Variants in PPP2R2B observed in about 807,000 individuals in gnomAD.
PPP2R2B encodes the protein serine/threonine-protein phosphatase 2A 55 kDa regulatory subunit B beta isoform.
In PPP2R2B, 5 loss-of-function variants were observed where a neutral mutation model predicts 46.0. That is an observed-to-expected ratio of 0.11 (90% CI 0.06 to 0.23). The LOEUF is 0.23. Ranked by LOEUF, PPP2R2B falls within the 10% of genes least tolerant of loss-of-function variation. PPP2R2B has a pLI of 1.00. For synonymous variants in PPP2R2B, 215 were observed against 206.7 expected (o/e 1.04, Z -0.34); for missense variants, 367 against 575.0 (o/e 0.64, Z 3.70).
In PPP2R2B at chr5:147,018,000, G is replaced by A. The variant is rs192364081; in HGVS notation, c.79+37665C>T. ...GTTTTGCATGTAGGAAATCTTCCAG[G>A]CCCAGATGAATTATAGTCTACGACA... On this transcript the variant is annotated intron_variant, in intron 1 of 8. Transcript: ENST00000336640. 1.5e-4 allele frequency among the ~76,000 whole-genome samples: 22 copies of A among 151,020 alleles called. No homozygotes were observed. The East Asian group carries it at 4.1e-3, about 28-fold the overall frequency.
intron 1 of PPP2R2B, among the ~76,000 whole-genome samples, chr5:147,021,959 G>A (rs6868807): frequency 0.52 from 78,474 of 151,756 alleles, 21,113 homozygotes; most frequent in Middle Eastern, 0.61. Context: ...AAAATATTGA[G>A]GGGAGAAATG....
At chr5:146,830,870 C>A (rs1758883825) in intron 2 of PPP2R2B, among the ~76,000 whole-genome samples, 1 of 152,150 alleles carries the variant, frequency 6.6e-6, no homozygotes, top group Admixed American at 6.5e-5. Context: ...TTATGTACTG[C>A]ATAACAATGT....
chr5:147,062,779 T>C (rs1757295705), intron 2 of PPP2R2B, among the ~76,000 whole-genome samples: 1 of 151,954 alleles, frequency 6.6e-6, no homozygotes, highest in Non-Finnish European at 1.5e-5. Context: ...ACTTCTGACC[T>C]ATTTGAAAGA....
intron 1 of PPP2R2B, among the ~76,000 whole-genome samples, chr5:146,961,045 T>G (rs1752147185): frequency 6.6e-6 from 1 of 152,206 alleles, no homozygotes; most frequent in African/African-American, 2.4e-5. Flanking sequence ...GAAAACAATA[T>G]TATTGTTATT....
At chr5:147,072,978 C>G (rs1757647614) in intron 2 of PPP2R2B, among the ~76,000 whole-genome samples, 1 of 152,140 alleles carries the variant, frequency 6.6e-6, no homozygotes, top group Non-Finnish European at 1.5e-5. Context: ...GTGACTTACT[C>G]TTTTTCTAGC....
intron 2 of PPP2R2B, among the ~76,000 whole-genome samples, chr5:146,756,866 A>C (rs1255638479): frequency 6.6e-6 from 1 of 152,214 alleles, no homozygotes; most frequent in Non-Finnish European, 1.5e-5. Context: ...ATTACTGCAC[A>C]GCTCTCTGCC....
chr5:147,081,150 A>G, intron 1 of PPP2R2B: 1 of 1,535,488 alleles, frequency 6.5e-7, no homozygotes. Flanking sequence ...AAAACAACAC[A>G]AGGAGACACT....
rs551888935 is a variant in PPP2R2B at position 146,609,029 on chromosome 5, A to T, written c.791-8569T>A. On this transcript the variant is annotated intron_variant, in intron 7 of 9. Coordinates refer to ENST00000394411, the MANE Select transcript of PPP2R2B (RefSeq NM_181675.4). Reference sequence around the variant, plus strand: ...GAATATATACAAAAATCCTCAAAAAAATACTAGCAAACCGAATTCAACAAT... The same window carrying T: ...GAATATATACAAAAATCCTCAAAAATATACTAGCAAACCGAATTCAACAAT... Among the ~76,000 whole-genome samples, 159 of 152,318 alleles carry T rather than the reference A, an allele frequency of 1.0e-3. 1 individual carries two copies. The highest frequency in any genetic ancestry group is 3.7e-3 in the African/African-American group (153 of 41,576).
At chr5:146,976,793 T>C (rs529282152) in intron 1 of PPP2R2B, among the ~76,000 whole-genome samples, 1 of 152,306 alleles carries the variant, frequency 6.6e-6, no homozygotes, top group Admixed American at 6.5e-5. Context: ...TAAAATTTTC[T>C]TGGTGACTTT....
At chr5:147,028,913 T>C (rs1163745374) in intron 1 of PPP2R2B, among the ~76,000 whole-genome samples, 1 of 152,216 alleles carries the variant, frequency 6.6e-6, no homozygotes, top group Non-Finnish European at 1.5e-5. Context: ...TAATGTGCAT[T>C]TCCTGATAAT....
At chr5:147,062,832 A>C (rs1757296705) in intron 2 of PPP2R2B, among the ~76,000 whole-genome samples, 1 of 151,940 alleles carries the variant, frequency 6.6e-6, no homozygotes, top group Non-Finnish European at 1.5e-5. Context: ...GAAGAAATCT[A>C]GCAAAATCCA....
At chr5:146,801,951 A>C (rs1438089031) in intron 2 of PPP2R2B, among the ~76,000 whole-genome samples, 3 of 152,224 alleles carry the variant, frequency 2.0e-5, no homozygotes. Context: ...GAGCAGCTGC[A>C]TGTGTCTGTC....
rs564970311 is a variant in PPP2R2B at position 146,695,481 on chromosome 5, AAAT to A, written c.334+2495_334+2497del. Among the ~76,000 whole-genome samples, 10 of 152,328 alleles carry A rather than the reference AAAT, an allele frequency of 6.6e-5. 1 individual carries two copies. In the South Asian group the frequency reaches 2.1e-3, roughly 32 times the overall value. Reference sequence around the variant, plus strand: ...TTTTTTATTGAAATTGTAAGTTTGAAAATATATTCTAGCAGAAAGTAAAAATTG... The same window carrying A: ...TTTTTTATTGAAATTGTAAGTTTGAAATATTCTAGCAGAAAGTAAAAATTG... On this transcript the variant is annotated intron_variant, in intron 4 of 9. Transcript: ENST00000394411.
intron 2 of PPP2R2B, among the ~76,000 whole-genome samples, chr5:146,865,151 C>T (rs1216560791): frequency 6.6e-6 from 1 of 152,076 alleles, no homozygotes; most frequent in Non-Finnish European, 1.5e-5. Context: ...AGGCAACAGG[C>T]AAAATTGTGG....
intron 1 of PPP2R2B, among the ~76,000 whole-genome samples, chr5:146,944,383 C>T (rs1448458514): frequency 6.6e-6 from 1 of 152,084 alleles, no homozygotes. Flanking sequence ...ATCCCACAAC[C>T]TTATTTTGTT....
At chr5:146,822,441 C>T (rs1189501487) in intron 2 of PPP2R2B, among the ~76,000 whole-genome samples, 2 of 152,076 alleles carry the variant, frequency 1.3e-5, no homozygotes, top group Non-Finnish European at 2.9e-5. Flanking sequence ...TCTTCTGTTT[C>T]TCATACTCTC....
intron 9 of PPP2R2B, among the ~76,000 whole-genome samples, 189 bp downstream of exon 9, chr5:146,592,782 G>C (rs956547624): frequency 6.6e-6 from 1 of 152,162 alleles, no homozygotes; most frequent in Non-Finnish European, 1.5e-5. Context: ...GGATTCAAAG[G>C]CCTTACTACA....
At chr5:147,055,677 A>C in exon 1 of PPP2R2B, 3 of 1,611,222 alleles carry the variant, frequency 1.9e-6, no homozygotes, top group Non-Finnish European at 2.5e-6. Flanking sequence ...TCTGTGTGGC[A>C]GCTGGAAGAA....
intron 1 of PPP2R2B, chr5:146,919,423 A>G (rs550719247): frequency 6.6e-6 from 1 of 152,318 alleles, no homozygotes; most frequent in East Asian, 1.9e-4. Flanking sequence ...TTTCTCAACT[A>G]TAGGTGGTAG....
Sources: gnomAD v4.1 joint callset for allele counts (sites outside exome capture counted in the v4.1 genomes callset) on GRCh38, gnomAD v4.1.1 for gene constraint, MANE v1.5 for transcripts, NCBI Gene and HGNC (gene_info 2026-07-23, HGNC 2026-07-21) for gene names.